Variants in CDH23 observed in about 807,000 individuals in gnomAD.
The protein encoded by CDH23 is cadherin-23.
CDH23 carries 189 observed loss-of-function variants against 317.1 expected under a neutral mutation model. The observed-to-expected ratio is 0.60, with a 90% CI of 0.53 to 0.67. The LOEUF is 0.67. CDH23 is among the 30% of genes least tolerant of loss of function. CDH23 has a pLI of 0.00. For synonymous variants in CDH23, 1,839 were observed against 1,876.8 expected (o/e 0.98, Z 0.52); for missense variants, 4,401 against 4,592.4 (o/e 0.96, Z 1.20).
intron 27 of CDH23, 82 bp downstream of exon 27, chr10:71,709,293 T>C: frequency 7.9e-7 from 1 of 1,265,246 alleles, no homozygotes; most frequent in South Asian, 1.3e-5. Flanking sequence ...GGCCTTTTGC[T>C]AAAGGCTGAA....
At chr10:71,483,324 T>C (rs1189246221) in intron 3 of CDH23, among the ~76,000 whole-genome samples, 2 of 152,202 alleles carry the variant, frequency 1.3e-5, no homozygotes, top group Non-Finnish European at 2.9e-5. Context: ...GGTTGAACTT[T>C]TTGGGGAGCA....
intron 38 of CDH23, among the ~76,000 whole-genome samples, chr10:71,774,326 C>T (rs1018580984): frequency 2.0e-5 from 3 of 152,246 alleles, no homozygotes; most frequent in African/African-American, 7.2e-5. Flanking sequence ...CCACACCCAG[C>T]ACTGCTGGCA....
At chr10:71,430,059 C>G (rs1374952118) in intron 1 of CDH23, among the ~76,000 whole-genome samples, 1 of 152,104 alleles carries the variant, frequency 6.6e-6, no homozygotes, top group Non-Finnish European at 1.5e-5. Context: ...TGGAGGGAGC[C>G]ACAGGGTCAG....
intron 15 of CDH23, among the ~76,000 whole-genome samples, chr10:71,676,484 G>T (rs1455301379): frequency 1.3e-5 from 2 of 151,952 alleles, no homozygotes; most frequent in African/African-American, 4.8e-5. Context: ...AAAATTAGCC[G>T]GGCGTGGTGG....
intron 2 of CDH23, among the ~76,000 whole-genome samples, chr10:71,443,842 GC>G (rs1218292734): frequency 1.1e-4 from 16 of 152,366 alleles, no homozygotes; most frequent in Non-Finnish European, 1.5e-5. Flanking sequence ...TCACCTGTCT[GC>G]CCCGCCTGTG....
chr10:71,542,295 T>G (rs977779655), intron 6 of CDH23, among the ~76,000 whole-genome samples: 1 of 152,208 alleles, frequency 6.6e-6, no homozygotes, highest in African/African-American at 2.4e-5. Context: ...GCAAGTTACT[T>G]CTTTTCTCCA....
intron 11 of CDH23, among the ~76,000 whole-genome samples, chr10:71,635,669 G>A (rs1362164522): frequency 6.6e-6 from 1 of 151,538 alleles, no homozygotes; most frequent in Non-Finnish European, 1.5e-5. Flanking sequence ...GGGAGAGATT[G>A]GAAAGAGGAA....
chr10:71,573,099 G>T (rs1857930896), intron 8 of CDH23, among the ~76,000 whole-genome samples: 1 of 152,228 alleles, frequency 6.6e-6, no homozygotes, highest in African/African-American at 2.4e-5. Context: ...TCTCCTTAGG[G>T]TTTTAACGGT....
At chr10:71,452,814 GC>G (rs1196027217) in intron 3 of CDH23, among the ~76,000 whole-genome samples, 2 of 152,202 alleles carry the variant, frequency 1.3e-5, no homozygotes, top group African/African-American at 4.8e-5. Flanking sequence ...TCTTGCCCGA[GC>G]CTCTATTAGG....
At chr10:71,795,502 G>A (rs12762203) in intron 48 of CDH23, 51,544 of 151,900 alleles carry the variant, frequency 0.34, 9,329 homozygotes, top group East Asian at 0.62. Flanking sequence ...CCTTCCTCCA[G>A]CTGACTCTCT....
At chr10:71,780,782 AG>A (rs1316152785) in intron 41 of CDH23, among the ~76,000 whole-genome samples, 1 of 152,156 alleles carries the variant, frequency 6.6e-6, no homozygotes, top group Non-Finnish European at 1.5e-5. Flanking sequence ...GAAAAGGAGC[AG>A]GGAAGTCGGA....
At chr10:71,481,982 C>T (rs1460593438) in intron 3 of CDH23, among the ~76,000 whole-genome samples, 2 of 152,110 alleles carry the variant, frequency 1.3e-5, no homozygotes, top group East Asian at 1.9e-4. Flanking sequence ...TGGGGGGAGT[C>T]GGGGCTGGCG....
At chr10:71,503,132 G>C (rs995629372) in intron 3 of CDH23, among the ~76,000 whole-genome samples, 1 of 152,258 alleles carries the variant, frequency 6.6e-6, no homozygotes, top group Admixed American at 6.5e-5. Context: ...CTGCTGCTGA[G>C]GGCCGAGGCC....
intron 7 of CDH23, among the ~76,000 whole-genome samples, chr10:71,569,245 C>T (rs960998439): frequency 1.3e-5 from 2 of 152,216 alleles, no homozygotes; most frequent in African/African-American, 2.4e-5. Context: ...GCCCTCCCAC[C>T]CTCTCATTGG....
rs571771700 is a variant in CDH23, at chr10:71,613,783, G to T, written c.833-1721G>T. Among the ~76,000 whole-genome samples, 200 of 152,328 alleles carry T rather than the reference G, an allele frequency of 1.3e-3. 1 individual carries two copies. The highest frequency in any genetic ancestry group is 4.6e-3 in the African/African-American group (193 of 41,578). On this transcript the variant is annotated intron_variant, in intron 9 of 69. Coordinates refer to ENST00000224721, the MANE Select transcript of CDH23 (RefSeq NM_022124.6). The stretch of plus-strand genomic sequence containing the variant: ...TGGGAGCTACAGCCACTTCCACGGT[G>T]ATTCTGGTGTTCACCTGCGTGTGTT...
intron 38 of CDH23, among the ~76,000 whole-genome samples, chr10:71,759,099 G>A (rs12778528): frequency 3.3e-5 from 5 of 151,850 alleles, no homozygotes; most frequent in Admixed American, 6.6e-5. Context: ...GTGCAGTGGC[G>A]CGATCTCGGC....
intron 3 of CDH23, among the ~76,000 whole-genome samples, chr10:71,471,908 T>A (rs1441088437): frequency 6.6e-6 from 1 of 152,222 alleles, no homozygotes; most frequent in Non-Finnish European, 1.5e-5. Flanking sequence ...GGAAACCATC[T>A]GTTTATATGC....
chr10:71,517,342 A>G (rs990314690), intron 6 of CDH23, among the ~76,000 whole-genome samples: 2 of 152,134 alleles, frequency 1.3e-5, no homozygotes, highest in Non-Finnish European at 2.9e-5. Context: ...TAGTTCCTGG[A>G]TCTCAGCCCT....
At chr10:71,403,726 G>A (rs906918342) in intron 1 of CDH23, among the ~76,000 whole-genome samples, 26 of 151,492 alleles carry the variant, frequency 1.7e-4, no homozygotes, top group Admixed American at 1.1e-3. Flanking sequence ...CATGTTTACC[G>A]GGATGGTCTC....
Sources: allele counts gnomAD v4.1 joint callset (sites outside exome capture counted in the v4.1 genomes callset), GRCh38; gene constraint gnomAD v4.1.1; transcripts MANE v1.5; gene names NCBI Gene and HGNC (gene_info 2026-07-23, HGNC 2026-07-21).